PSMG4: variants seen among roughly 807,000 people sequenced by gnomAD.
PSMG4 encodes proteasome assembly chaperone 4.
In PSMG4, 10 loss-of-function variants were observed where a neutral mutation model predicts 11.0. The observed-to-expected ratio is 0.91, with a 90% CI of 0.56 to 1.54. The LOEUF (loss-of-function observed/expected upper bound fraction) is 1.54. Among genes scored for constraint, PSMG4 ranks in the 40% most tolerant of loss-of-function variants. The pLI is 0.00. For synonymous variants in PSMG4, 95 were observed against 71.3 expected (o/e 1.33, Z -1.68); for missense variants, 198 against 160.9 (o/e 1.23, Z -1.25).
chr6:3,257,969 C>T (rs986196620), upstream of PSMG4, among the ~76,000 whole-genome samples: 1 of 152,222 alleles, frequency 6.6e-6, no homozygotes, highest in Admixed American at 6.5e-5. Context: ...TCTTAAATTT[C>T]AATTTAGTCA....
chr6:3,266,890 C>T (rs914039471), intron 2 of PSMG4: 1 of 150,700 alleles, frequency 6.6e-6, no homozygotes, highest in Non-Finnish European at 1.5e-5. Flanking sequence ...GAGTCTTGCT[C>T]TATTGCCCAG....
chr6:3,257,086 T>C (rs977876223), upstream of PSMG4, among the ~76,000 whole-genome samples: 6 of 152,178 alleles, frequency 3.9e-5, no homozygotes, highest in African/African-American at 1.4e-4. Context: ...CCAATGAAGA[T>C]AAGCATTTTA....
At chr6:3,264,174 GA>G in intron 2 of PSMG4, 7 of 1,550,718 alleles carry the variant, frequency 4.5e-6, no homozygotes, top group Non-Finnish European at 6.1e-6. Flanking sequence ...CTCTGTGCAG[GA>G]AGGACTGTCC....
intron 2 of PSMG4, 35 bp from the exon 3 acceptor site, chr6:3,267,556 A>G (rs746662609): frequency 1.3e-6 from 2 of 1,547,676 alleles, no homozygotes; most frequent in South Asian, 2.4e-5. Context: ...GCAGTATTTC[A>G]GGAGTGGCTG....
rs767790955 is a variant in PSMG4, at chr6:3,264,272, A to G, written c.250+513A>G. 1.0e-5 allele frequency: 16 copies of G among 1,551,312 alleles called. No homozygotes were observed. The South Asian group carries it at 1.5e-4, about 15-fold the overall frequency. On this transcript the variant is annotated intron_variant, in intron 2 of 2. Coordinates refer to ENST00000438998, the MANE Select transcript of PSMG4 (RefSeq NM_001128591.2). ...GTAGAGTGGGGATTAAGCAAAGGTC[A>G]TGAGGCTGAATGCTCCACTCTTCCC... is the stretch of plus-strand genomic sequence containing the variant.
At position 3,266,880 on chromosome 6, in the gene PSMG4, G is replaced by C. The variant is rs1240578103; in HGVS notation, c.251-711G>C. ...TAAATACTTATTTTTTTTTGAGACG[G>C]AGTCTTGCTCTATTGCCCAGGCTGG... is the stretch of plus-strand genomic sequence containing the variant. On this transcript the variant is annotated intron_variant, in intron 2 of 2. Coordinates refer to ENST00000438998, the MANE Select transcript of PSMG4 (RefSeq NM_001128591.2). 3 of 150,366 alleles carry C rather than the reference G, an allele frequency of 2.0e-5. 1 individual carries two copies. Among genetic ancestry groups the C allele is most frequent in the Non-Finnish European group, 4.4e-5 (3 of 67,698 alleles). 9.3% of individuals were successfully genotyped at this position (150,366 alleles called of 1,614,324 possible).
Position 3,267,676 on chromosome 6 carries a change from CAAGG to C in PSMG4, c.340_343del (p.Glu114ArgfsTer11). 2 of 1,552,212 alleles carry C rather than the reference CAAGG, an allele frequency of 1.3e-6. No homozygotes were observed. Among genetic ancestry groups the C allele is most frequent in the East Asian group, 2.4e-5 (1 of 40,912 alleles). ...TCGCATTACTTGTAGAAAACAGGAT[CAAGG>C]AAGAGATGGAGGCTTTCCCCGAAAA... On this transcript the variant is annotated frameshift_variant, in exon 3 of 3. Transcript: ENST00000438998. LOFTEE classifies it high-confidence loss of function.
upstream of PSMG4, chr6:3,255,265 C>G: frequency 6.5e-7 from 1 of 1,545,608 alleles, no homozygotes; most frequent in Non-Finnish European, 8.7e-7. Flanking sequence ...TGTGTTACCA[C>G]GGCTGTCTTA....
chr6:3,257,211 CATAGTCAAGGGGAGT>C (rs1160121095), upstream of PSMG4, among the ~76,000 whole-genome samples: 3 of 152,114 alleles, frequency 2.0e-5, no homozygotes, highest in Non-Finnish European at 4.4e-5. Context: ...GTTTGGGGAG[CATAGTCAAGGGGAGT>C]GAGAGAGGAC....
Position 3,267,983 on chromosome 6 carries a change from A to T in PSMG4, c.*271A>T. 3.2e-6 allele frequency: 1 copy of T among 308,732 alleles called. No homozygotes were observed. The highest frequency in any genetic ancestry group is 4.9e-5 in the South Asian group (1 of 20,486). 19.1% of individuals were successfully genotyped at this position (308,732 alleles called of 1,614,324 possible). On this transcript the variant is annotated 3_prime_UTR_variant, in exon 3 of 3. Transcript: ENST00000438998. ...TTGTTGGGATTGAAGACTGTAATCT[A>T]AGAGTTTCAATCAGACATGACTGTG...
At chr6:3,263,853 T>G (rs750899569) in intron 2 of PSMG4, 94 bp downstream of exon 2, 1 of 1,499,680 alleles carries the variant, frequency 6.7e-7, no homozygotes, top group Non-Finnish European at 8.9e-7. Context: ...TAAAGCATCT[T>G]TATGCTAAGA....
chr6:3,255,366 T>G, upstream of PSMG4: 1 of 1,428,726 alleles, frequency 7.0e-7, no homozygotes, highest in South Asian at 1.5e-5. Context: ...ATTTTTCCTG[T>G]GGTGGATGAT....
chr6:3,263,075 A>G (rs1010891562), intron 1 of PSMG4, among the ~76,000 whole-genome samples: 2 of 152,102 alleles, frequency 1.3e-5, no homozygotes, highest in East Asian at 3.9e-4. Flanking sequence ...TGCTTGTTTC[A>G]CCTTACTGCT....
At chr6:3,255,663 C>T (rs929932884), upstream of PSMG4, among the ~76,000 whole-genome samples, 1 of 152,166 alleles carries the variant, frequency 6.6e-6, no homozygotes, top group Non-Finnish European at 1.5e-5. Context: ...GTCCGAGAGC[C>T]TTAAGTGATT....
chr6:3,258,878 C>CCCGACCACGCCCCTCA, upstream of PSMG4: 1 of 808,160 alleles, frequency 1.2e-6, no homozygotes, highest in Non-Finnish European at 1.7e-6. Flanking sequence ...ATCGCCCCTC[C>CCCGACCACGCCCCTCA]CCGACCACGC....
At position 3,267,673 on chromosome 6, in the gene PSMG4, G is replaced by C; in HGVS notation, c.333G>C (p.Arg111Ser). Residue 111 changes from arginine to serine, a missense_variant, in exon 3 of 3, where the codon AGG (arginine) becomes AGC (serine). Physicochemically the swap from Arg to Ser is moderately radical, Grantham distance 110. Coordinates refer to ENST00000438998, the MANE Select transcript of PSMG4 (RefSeq NM_001128591.2). Reference protein sequence around the residue: ...DSNFALLVENRIKEEMEAFPE... With the variant: ...DSNFALLVENSIKEEMEAFPE... ...ACTTCGCATTACTTGTAGAAAACAG[G>C]ATCAAGGAAGAGATGGAGGCTTTCC... 6.4e-7 allele frequency: 1 copy of C among 1,552,304 alleles called. No homozygotes were observed. The highest frequency in any genetic ancestry group is 8.7e-7 in the Non-Finnish European group (1 of 1,147,090).
upstream of PSMG4, chr6:3,255,312 T>TA: frequency 6.6e-7 from 1 of 1,512,736 alleles, no homozygotes; most frequent in Non-Finnish European, 8.9e-7. Flanking sequence ...GAGTGGTGGA[T>TA]GAGGCTAACG....
upstream of PSMG4, among the ~76,000 whole-genome samples, chr6:3,257,397 C>T (rs540790486): frequency 6.6e-6 from 1 of 152,312 alleles, no homozygotes; most frequent in South Asian, 2.1e-4. Context: ...ACCATCATTA[C>T]AATCCAGATT....
At chr6:3,254,687 A>C (rs1757682128), upstream of PSMG4, among the ~76,000 whole-genome samples, 1 of 152,116 alleles carries the variant, frequency 6.6e-6, no homozygotes, top group Non-Finnish European at 1.5e-5. Flanking sequence ...ACTAAACTCA[A>C]CAGAAAGAAG....
Sources: gnomAD v4.1 joint callset for allele counts (sites outside exome capture counted in the v4.1 genomes callset) on GRCh38, gnomAD v4.1.1 for gene constraint, MANE v1.5 for transcripts, NCBI Gene and HGNC (gene_info 2026-07-23, HGNC 2026-07-21) for gene names.